Variants in DNAH3 observed in about 807,000 individuals in gnomAD.
The protein encoded by DNAH3 is axonemal beta dynein heavy chain 3.
Under a neutral mutation model 432.5 loss-of-function variants are expected in DNAH3, and 332 were observed. The ratio of observed to expected loss-of-function variants is 0.77; its 90% CI spans 0.70 to 0.84. The LOEUF (loss-of-function observed/expected upper bound fraction) is 0.84. Ranked by LOEUF, DNAH3 falls within the 40% of genes least tolerant of loss-of-function variation. The pLI is 0.00. For missense variants in DNAH3, 4,861 were observed against 5,114.0 expected (o/e 0.95, Z 1.51); for synonymous variants, 1,956 against 1,900.2 (o/e 1.03, Z -0.76).
At chr16:21,005,670 T>G (rs2087262567) in intron 41 of DNAH3, among the ~76,000 whole-genome samples, 1 of 148,458 alleles carries the variant, frequency 6.7e-6, no homozygotes, top group South Asian at 2.2e-4. Flanking sequence ...TGAGCCACCA[T>G]GCCCAGCCTC....
chr16:21,025,405 CAT>C (rs2088494165), intron 38 of DNAH3, among the ~76,000 whole-genome samples: 1 of 146,370 alleles, frequency 6.8e-6, no homozygotes, highest in South Asian at 2.1e-4. Context: ...TATATTAGCA[CAT>C]AATAATATAG....
intron 42 of DNAH3, among the ~76,000 whole-genome samples, chr16:21,001,235 C>T (rs939907690): frequency 1.3e-4 from 20 of 152,198 alleles, no homozygotes; most frequent in African/African-American, 4.8e-4. Context: ...CTCCTGGAAT[C>T]CCTATTTGGA....
Position 21,000,194 on chromosome 16 carries a change from G to A in DNAH3, c.6421+30C>T, listed in dbSNP as rs776315166. On this transcript the variant is annotated intron_variant, in intron 43 of 61. Coordinates refer to ENST00000261383, the Ensembl canonical transcript of DNAH3. Reference sequence around the variant, plus strand: ...CTGCAGCTTATGGTGGAAGAATCTGGTTGTGTCCAGACCCAGCCCAATGCC... The same window carrying A: ...CTGCAGCTTATGGTGGAAGAATCTGATTGTGTCCAGACCCAGCCCAATGCC... 6.3e-6 allele frequency: 10 copies of A among 1,597,814 alleles called. No homozygotes were observed. The South Asian group carries it at 1.0e-4, about 16-fold the overall frequency.
intron 16 of DNAH3, among the ~76,000 whole-genome samples, chr16:21,100,106 A>C (rs1333256236): frequency 6.6e-6 from 1 of 151,758 alleles, no homozygotes; most frequent in Non-Finnish European, 1.5e-5. Flanking sequence ...CTCTCTCTTT[A>C]TCTCTTTCTT....
exon 52 of DNAH3, chr16:20,969,859 C>T (rs2085253750): frequency 6.2e-7 from 1 of 1,614,056 alleles, no homozygotes; most frequent in African/African-American, 1.3e-5. Flanking sequence ...TCTCCATGAC[C>T]AGTTTGACAG....
At chr16:21,082,939 G>A (rs2091243153) in intron 19 of DNAH3, among the ~76,000 whole-genome samples, 2 of 149,478 alleles carry the variant, frequency 1.3e-5, no homozygotes, top group South Asian at 4.3e-4. Flanking sequence ...ATGTTACCTT[G>A]TTCCATCTTG....
intron 57 of DNAH3, among the ~76,000 whole-genome samples, chr16:20,947,165 C>T (rs2084086063): frequency 6.6e-6 from 1 of 151,948 alleles, no homozygotes; most frequent in Non-Finnish European, 1.5e-5. Context: ...AGAGAGGGTG[C>T]TGCCCTATAC....
Position 21,019,668 on chromosome 16 carries a change from GGCCTTGGGTGGTTATCA to G in DNAH3, c.5961_5977del (p.Asp1988GlnfsTer19), listed in dbSNP as rs1264380458. On this transcript the variant is annotated frameshift_variant, in exon 41 of 62. Coordinates refer to ENST00000261383, the Ensembl canonical transcript of DNAH3. LOFTEE classifies it high-confidence loss of function. ...GTTTTTGGTGAGTTTGACGCTTTTG[GGCCTTGGGTGGTTATCA>G]TCCATGCCCATGATCAGGTTGCGGA... 6.2e-7 allele frequency: 1 copy of G among 1,614,014 alleles called. No homozygotes were observed. Among genetic ancestry groups the G allele is most frequent in the South Asian group, 1.1e-5 (1 of 91,064 alleles).
chr16:20,964,569 C>A, exon 53 of DNAH3: 1 of 1,614,206 alleles, frequency 6.2e-7, no homozygotes, highest in Admixed American at 1.7e-5. Context: ...TATCAGAGAA[C>A]TTGATGACAG....
intron 7 of DNAH3, 178 bp downstream of exon 8, chr16:21,134,081 C>A: frequency 1.7e-6 from 1 of 590,448 alleles, no homozygotes; most frequent in Non-Finnish European, 2.9e-6. Flanking sequence ...AGGAGGGCCA[C>A]GTAAGCCTGC....
exon 14 of DNAH3, chr16:21,111,793 G>A: frequency 6.2e-7 from 1 of 1,613,186 alleles, no homozygotes; most frequent in Non-Finnish European, 8.5e-7. Flanking sequence ...GTTTCTTTAT[G>A]GCATTGATCT....
chr16:20,964,970 T>C (rs1269311919), exon 53 of DNAH3: 2 of 1,614,196 alleles, frequency 1.2e-6, no homozygotes, highest in African/African-American at 1.3e-5. Context: ...CCAAGACCAC[T>C]GATCAGTTTC....
chr16:20,970,022 T>A (rs780036028), intron 51 of DNAH3, 32 bp from the exon 52 acceptor site: 18 of 1,605,958 alleles, frequency 1.1e-5, no homozygotes, highest in Non-Finnish European at 1.4e-5. Context: ...AGGAGATGAG[T>A]GCCCAGGGCC....
rs111619189 is a variant in DNAH3, at chr16:21,006,610, G to T, written c.6023-3403C>A. The stretch of plus-strand genomic sequence containing the variant: ...ATCTACTTTCTGTCTCTATAAATTC[G>T]CCTATTCTGCCTATATAAAGGGAAT... On this transcript the variant is annotated intron_variant, in intron 41 of 61. Coordinates refer to ENST00000261383, the Ensembl canonical transcript of DNAH3. 4.6e-3 allele frequency among the ~76,000 whole-genome samples: 697 copies of T among 152,082 alleles called. 4 individuals carry two copies. Among genetic ancestry groups the T allele is most frequent in the Middle Eastern group, 0.02 (6 of 294 alleles).
intron 27 of DNAH3, among the ~76,000 whole-genome samples, chr16:21,056,439 T>C (rs1455382120): frequency 8.4e-6 from 1 of 118,948 alleles, no homozygotes; most frequent in African/African-American, 3.1e-5. Flanking sequence ...CCTCCCTCCC[T>C]GCCTCCCTCC....
rs1314245667 is a variant in DNAH3 at position 20,964,143 on chromosome 16, GGAGA to G, written c.9737_9740del (p.Leu3246ProfsTer36). 6.2e-7 allele frequency: 1 copy of G among 1,614,090 alleles called. No homozygotes were observed. Among genetic ancestry groups the G allele is most frequent in the African/African-American group, 1.3e-5 (1 of 74,924 alleles). On this transcript the variant is annotated frameshift_variant, in exon 53 of 62. Transcript: ENST00000261383. LOFTEE classifies it high-confidence loss of function. The stretch of plus-strand genomic sequence containing the variant: ...CCTCCAGGATGTTACCCTTGGACAT[GGAGA>G]GAACCTCCAAGATCTTATCTTCAAT...
intron 24 of DNAH3, 90 bp from the exon 25 acceptor site, chr16:21,062,773 T>C: frequency 1.1e-6 from 1 of 918,074 alleles, no homozygotes. Flanking sequence ...AGTCCGCACC[T>C]ACGTGAATAC....
At chr16:21,071,970 G>A (rs763596018) in intron 21 of DNAH3, among the ~76,000 whole-genome samples, 27 of 152,082 alleles carry the variant, frequency 1.8e-4, no homozygotes, top group African/African-American at 5.6e-4. Context: ...CCGGGGCACC[G>A]CAGCCAACTC....
exon 29 of DNAH3, chr16:21,051,691 G>T (rs1338539793): frequency 6.2e-7 from 1 of 1,613,272 alleles, no homozygotes; most frequent in African/African-American, 1.3e-5. Context: ...GTCGGTGAGG[G>T]GTGTGATCAC....
Sources: gnomAD v4.1 joint callset for allele counts (sites outside exome capture counted in the v4.1 genomes callset) on GRCh38, gnomAD v4.1.1 for gene constraint, MANE v1.5 for transcripts, NCBI Gene and HGNC (gene_info 2026-07-23, HGNC 2026-07-21) for gene names.